Variants in SLC24A2 observed in about 807,000 individuals in gnomAD.
SLC24A2 encodes the protein sodium/potassium/calcium exchanger 2.
Under a neutral mutation model 62.0 loss-of-function variants are expected in SLC24A2, and 36 were observed. The ratio of observed to expected loss-of-function variants is 0.58; its 90% CI spans 0.44 to 0.77. SLC24A2 has a LOEUF of 0.77. SLC24A2 is among the 30% of genes least tolerant of loss of function. The pLI is 0.00. For synonymous variants in SLC24A2, 358 were observed against 294.0 expected, an observed-to-expected ratio of 1.22 and a Z score of -2.23; for missense variants, 846 against 817.9, an observed-to-expected ratio of 1.03 and a Z score of -0.42.
the SLC24A2 span, among the ~76,000 whole-genome samples, chr9:20,250,347 C>A: frequency 6.6e-6 from 1 of 152,166 alleles, no homozygotes; most frequent in South Asian, 2.1e-4. Context: ...TAGTGGGTGA[C>A]CTTTAGACTG....
chr9:20,141,561 A>G, the SLC24A2 span, among the ~76,000 whole-genome samples: 1 of 151,532 alleles, frequency 6.6e-6, no homozygotes, highest in Non-Finnish European at 1.5e-5. Flanking sequence ...ATTAACTGTC[A>G]TCTGGCTGAT....
At chr9:20,195,186 AT>A in the SLC24A2 span, among the ~76,000 whole-genome samples, 1 of 152,100 alleles carries the variant, frequency 6.6e-6, no homozygotes, top group East Asian at 1.9e-4. Flanking sequence ...GTTGATGGCT[AT>A]TTGCATTGTT....
At chr9:19,806,563 A>C in the SLC24A2 span, among the ~76,000 whole-genome samples, 2 of 152,296 alleles carry the variant, frequency 1.3e-5, no homozygotes, top group African/African-American at 4.8e-5. Flanking sequence ...GGTATATTTA[A>C]CATTCCACAG....
chr9:19,800,153 T>TTTGGAGTAGA, the SLC24A2 span, among the ~76,000 whole-genome samples: 2 of 152,164 alleles, frequency 1.3e-5, no homozygotes, highest in South Asian at 4.1e-4. Flanking sequence ...GATTTCTAAA[T>TTTGGAGTAGA]TTGGAGTAGA....
In SLC24A2 at chr9:19,639,183, TA is replaced by T. The variant is rs200169970; in HGVS notation, c.931-16885del. Among the ~76,000 whole-genome samples, 1,166 of 152,326 alleles carry T rather than the reference TA, an allele frequency of 7.7e-3. 15 individuals carry two copies. The highest frequency in any genetic ancestry group is 0.027 in the African/African-American group (1,105 of 41,564). On this transcript the variant is annotated intron_variant, in intron 2 of 10. Coordinates refer to ENST00000341998, the MANE Select transcript of SLC24A2 (RefSeq NM_020344.4). The stretch of plus-strand genomic sequence containing the variant: ...CTCTCCTCCTCCATAATAACCTTGT[TA>T]AAAAGCACCACTTTATTATAGGTAA...
intron 2 of SLC24A2, among the ~76,000 whole-genome samples, chr9:19,665,214 T>C (rs1418944903): frequency 1.3e-5 from 2 of 152,168 alleles, no homozygotes; most frequent in African/African-American, 4.8e-5. Context: ...TAAAGGGGAA[T>C]GCATGGGAGA....
chr9:19,669,732 C>T (rs2118305134), intron 2 of SLC24A2, among the ~76,000 whole-genome samples: 1 of 152,348 alleles, frequency 6.6e-6, no homozygotes, highest in Non-Finnish European at 1.5e-5. Context: ...ACTCCACTCT[C>T]CTCTTCTGCC....
the SLC24A2 span, among the ~76,000 whole-genome samples, chr9:20,102,845 G>C: frequency 6.6e-6 from 1 of 152,104 alleles, no homozygotes; most frequent in Non-Finnish European, 1.5e-5. Context: ...GACAGTGGGC[G>C]CAGGACAGTA....
chr9:20,019,107 A>AAGAGAGAGAGAGAGAG, the SLC24A2 span, among the ~76,000 whole-genome samples: 1 of 30,208 alleles, frequency 3.3e-5, no homozygotes, highest in African/African-American at 2.6e-4. Flanking sequence ...GAAAGATAGA[A>AAGAGAGAGAGAGAGAG]AGAAAGAAAG....
chr9:19,672,245 T>C (rs989287542), intron 2 of SLC24A2, among the ~76,000 whole-genome samples: 2 of 146,608 alleles, frequency 1.4e-5, no homozygotes, highest in Non-Finnish European at 3.0e-5. Context: ...GTTCAGAGTT[T>C]ATATTTCTTC....
At chr9:20,256,079 T>C in the SLC24A2 span, among the ~76,000 whole-genome samples, 5 of 152,318 alleles carry the variant, frequency 3.3e-5, no homozygotes, top group South Asian at 1.0e-3. Context: ...TCTGAACTCA[T>C]CCTTTCATAT....
At chr9:20,268,175 C>T in the SLC24A2 span, among the ~76,000 whole-genome samples, 7 of 152,326 alleles carry the variant, frequency 4.6e-5, no homozygotes, top group African/African-American at 7.2e-5. Flanking sequence ...CTCCCTCTCA[C>T]GCTCAGGTGT....
chr9:20,167,233 A>T, the SLC24A2 span, among the ~76,000 whole-genome samples: 6 of 152,104 alleles, frequency 3.9e-5, no homozygotes, highest in Non-Finnish European at 8.8e-5. Context: ...CCAGGGGAAA[A>T]AAGAATGGCA....
the SLC24A2 span, among the ~76,000 whole-genome samples, chr9:20,167,188 T>A: frequency 5.9e-5 from 9 of 152,176 alleles, no homozygotes; most frequent in East Asian, 3.9e-4. Context: ...TAATTAACTT[T>A]TGAACAAAAG....
chr9:20,298,030 C>T, the SLC24A2 span, among the ~76,000 whole-genome samples: 1 of 152,180 alleles, frequency 6.6e-6, no homozygotes, highest in Admixed American at 6.5e-5. Flanking sequence ...CATAAGGAAG[C>T]AGCACCCCCA....
chr9:19,838,183 A>T, the SLC24A2 span, among the ~76,000 whole-genome samples: 1 of 152,224 alleles, frequency 6.6e-6, no homozygotes, highest in Non-Finnish European at 1.5e-5. Context: ...ACAAGGCTGC[A>T]GTAACCAAAA....
At chr9:20,301,355 T>C in the SLC24A2 span, among the ~76,000 whole-genome samples, 1 of 152,122 alleles carries the variant, frequency 6.6e-6, no homozygotes, top group Non-Finnish European at 1.5e-5. Context: ...ATAGGTTCAA[T>C]CTTGAAAACC....
At chr9:20,103,569 G>A in the SLC24A2 span, among the ~76,000 whole-genome samples, 2 of 152,184 alleles carry the variant, frequency 1.3e-5, no homozygotes, top group African/African-American at 4.8e-5. Context: ...AGCCACCGCT[G>A]CTGATTCCCA....
At chr9:19,801,414 T>C in the SLC24A2 span, among the ~76,000 whole-genome samples, 1 of 152,188 alleles carries the variant, frequency 6.6e-6, no homozygotes, top group Non-Finnish European at 1.5e-5. Context: ...GCGGCGGGTC[T>C]GCAATGGCAG....
Sources: gnomAD v4.1 joint callset for allele counts (sites outside exome capture counted in the v4.1 genomes callset) on GRCh38, gnomAD v4.1.1 for gene constraint, MANE v1.5 for transcripts, NCBI Gene and HGNC (gene_info 2026-07-23, HGNC 2026-07-21) for gene names.